The following DLGAP2 variants were observed in gnomAD, a reference collection of about 807,000 sequenced individuals.
DLGAP2 encodes disks large-associated protein 2.
Under a neutral mutation model 100.3 loss-of-function variants are expected in DLGAP2, and 26 were observed. The ratio of observed to expected loss-of-function variants is 0.26; its 90% CI spans 0.19 to 0.36. DLGAP2 has a LOEUF of 0.36. Among genes scored for constraint, DLGAP2 ranks in the 10% least tolerant of loss-of-function variants. The pLI, the probability that DLGAP2 is intolerant of heterozygous loss-of-function variation, is 1.00. For synonymous variants in DLGAP2, 886 were observed against 630.1 expected, an observed-to-expected ratio of 1.41 and a Z score of -6.08; for missense variants, 1,858 against 1,453.2, an observed-to-expected ratio of 1.28 and a Z score of -4.53.
chr8:1,148,148 G>A (rs1422615438), intron 2 of DLGAP2, among the ~76,000 whole-genome samples: 1 of 152,094 alleles, frequency 6.6e-6, no homozygotes, highest in Non-Finnish European at 1.5e-5. Flanking sequence ...TTCTAGACAG[G>A]ACTGTTAAGA....
chr8:1,226,175 A>G (rs530024471), intron 2 of DLGAP2, among the ~76,000 whole-genome samples: 1 of 152,318 alleles, frequency 6.6e-6, no homozygotes, highest in East Asian at 1.9e-4. Context: ...ATGCATGCGC[A>G]CGTATGTTCA....
intron 2 of DLGAP2, chr8:1,137,234 G>A (rs1036328720): frequency 6.6e-6 from 1 of 152,426 alleles, no homozygotes; most frequent in African/African-American, 2.4e-5. Flanking sequence ...TTGTTACAAA[G>A]ACACCAGTCC....
At chr8:1,081,417 C>A (rs1022796102) in intron 2 of DLGAP2, among the ~76,000 whole-genome samples, 2 of 152,158 alleles carry the variant, frequency 1.3e-5, no homozygotes, top group African/African-American at 4.8e-5. Flanking sequence ...AGTGGCGCAG[C>A]CTTGGCTCAC....
intron 2 of DLGAP2, among the ~76,000 whole-genome samples, chr8:926,705 G>T (rs1198673550): frequency 6.6e-6 from 1 of 152,228 alleles, no homozygotes; most frequent in East Asian, 1.9e-4. Flanking sequence ...CCGCCGAGGG[G>T]CTGGCAGCAG....
chr8:1,176,689 C>T (rs866533259), intron 2 of DLGAP2, among the ~76,000 whole-genome samples: 2 of 152,146 alleles, frequency 1.3e-5, no homozygotes, highest in African/African-American at 4.8e-5. Flanking sequence ...AGGGAGGCAG[C>T]CCAGGGCTCC....
intron 2 of DLGAP2, among the ~76,000 whole-genome samples, chr8:998,622 C>G (rs1299916415): frequency 2.0e-5 from 3 of 152,216 alleles, no homozygotes; most frequent in Non-Finnish European, 4.4e-5. Flanking sequence ...TTACTTTGAT[C>G]TCTTTGCTGG....
chr8:1,129,594 G>C (rs771480481), intron 2 of DLGAP2, among the ~76,000 whole-genome samples: 1 of 152,110 alleles, frequency 6.6e-6, no homozygotes, highest in Non-Finnish European at 1.5e-5. Context: ...CGAGCCTTGC[G>C]GGAAGCCTGA....
intron 3 of DLGAP2, among the ~76,000 whole-genome samples, chr8:1,457,395 G>A (rs1294520471): frequency 6.6e-6 from 1 of 152,168 alleles, no homozygotes; most frequent in Non-Finnish European, 1.5e-5. Flanking sequence ...TTTTCCTGGA[G>A]GCTGTGTATG....
At chr8:1,567,014 CA>C (rs2130580254) in intron 6 of DLGAP2, among the ~76,000 whole-genome samples, 1 of 152,318 alleles carries the variant, frequency 6.6e-6, no homozygotes, top group Admixed American at 6.5e-5. Context: ...TGGTCAGTGC[CA>C]GCTTGTGGGA....
At chr8:751,429 G>T (rs898842921) in intron 1 of DLGAP2, among the ~76,000 whole-genome samples, 11 of 152,228 alleles carry the variant, frequency 7.2e-5, no homozygotes, top group Non-Finnish European at 2.9e-5. Context: ...CGCGCCATCT[G>T]TCCTCACTCG....
chr8:1,211,119 T>A (rs1798094699), intron 2 of DLGAP2, among the ~76,000 whole-genome samples: 1 of 152,232 alleles, frequency 6.6e-6, no homozygotes, highest in African/African-American at 2.4e-5. Flanking sequence ...AAGCTTATTT[T>A]GAACAATGTT....
At chr8:1,650,437 T>C (rs1798136616) in intron 8 of DLGAP2, among the ~76,000 whole-genome samples, 1 of 152,248 alleles carries the variant, frequency 6.6e-6, no homozygotes, top group Non-Finnish European at 1.5e-5. Flanking sequence ...TAGATCTTGA[T>C]GTAATTATAA....
intron 1 of DLGAP2, among the ~76,000 whole-genome samples, chr8:877,091 C>G (rs1274162801): frequency 2.6e-5 from 4 of 151,674 alleles, no homozygotes; most frequent in Non-Finnish European, 5.9e-5. Context: ...CTTTATGACT[C>G]CTTTGAAATC....
intron 2 of DLGAP2, among the ~76,000 whole-genome samples, chr8:980,484 C>G (rs2129014270): frequency 6.6e-6 from 1 of 152,296 alleles, no homozygotes; most frequent in Middle Eastern, 3.4e-3. Flanking sequence ...ATCCTTGTAC[C>G]TGAGAGTGCC....
At chr8:784,094 C>T (rs145836193) in intron 1 of DLGAP2, among the ~76,000 whole-genome samples, 2 of 152,240 alleles carry the variant, frequency 1.3e-5, no homozygotes, top group African/African-American at 2.4e-5. Flanking sequence ...ACACTGAACC[C>T]AGCTTTCTTT....
chr8:1,201,098 G>A (rs1797863076), intron 2 of DLGAP2, among the ~76,000 whole-genome samples: 1 of 152,202 alleles, frequency 6.6e-6, no homozygotes, highest in Non-Finnish European at 1.5e-5. Context: ...TGGGGAGGCT[G>A]CTCCCCGTCC....
At chr8:1,105,217 C>G (rs1309607020) in intron 2 of DLGAP2, among the ~76,000 whole-genome samples, 2 of 152,310 alleles carry the variant, frequency 1.3e-5, no homozygotes, top group East Asian at 1.9e-4. Context: ...GTGATCCATT[C>G]TACAGAGAAA....
chr8:899,307 G>A (rs572444753), intron 1 of DLGAP2, among the ~76,000 whole-genome samples: 9 of 152,350 alleles, frequency 5.9e-5, no homozygotes, highest in African/African-American at 1.4e-4. Flanking sequence ...TGGCCTTCCC[G>A]TGGTGGCAGA....
intron 1 of DLGAP2, among the ~76,000 whole-genome samples, chr8:803,239 C>T (rs952030986): frequency 6.6e-6 from 1 of 152,216 alleles, no homozygotes; most frequent in African/African-American, 2.4e-5. Flanking sequence ...CCATGTTTCT[C>T]CAGTGTGGAA....
Sources: gnomAD v4.1 joint callset for allele counts (sites outside exome capture counted in the v4.1 genomes callset) on GRCh38, gnomAD v4.1.1 for gene constraint, MANE v1.5 for transcripts, NCBI Gene and HGNC (gene_info 2026-07-23, HGNC 2026-07-21) for gene names.